Variants in SMYD3 observed in about 807,000 individuals in gnomAD.
SMYD3 encodes SET and MYND domain containing 3.
A neutral mutation model predicts 57.7 loss-of-function variants in SMYD3; 36 were observed. The observed-to-expected ratio is 0.62, with a 90% confidence interval of 0.48 to 0.82. The LOEUF (loss-of-function observed/expected upper bound fraction) is 0.82, where lower values mean the gene tolerates loss of function less well. Ranked by LOEUF, SMYD3 falls within the 40% of genes least tolerant of loss-of-function variation. The pLI is 0.00. For synonymous variants in SMYD3, 211 were observed against 195.0 expected, an observed-to-expected ratio of 1.08 and a Z score of -0.68; for missense variants, 515 against 538.8, an observed-to-expected ratio of 0.96 and a Z score of 0.44.
chr1:246,001,683 G>A (rs1399100843), intron 5 of SMYD3, among the ~76,000 whole-genome samples: 1 of 152,200 alleles, frequency 6.6e-6, no homozygotes, highest in Admixed American at 6.5e-5. Context: ...TGTTTTCCAT[G>A]ATCCTCTTTT....
chr1:246,270,933 G>A (rs373982716), intron 5 of SMYD3, among the ~76,000 whole-genome samples: 2 of 152,086 alleles, frequency 1.3e-5, no homozygotes, highest in East Asian at 1.9e-4. Flanking sequence ...ACACGTCCAC[G>A]CAGTGCACAA....
intron 5 of SMYD3, among the ~76,000 whole-genome samples, chr1:246,279,300 C>A (rs1252434533): frequency 6.6e-6 from 1 of 152,170 alleles, no homozygotes; most frequent in Non-Finnish European, 1.5e-5. Context: ...GCGGGTGGAT[C>A]ACCTGAGGTC....
intron 5 of SMYD3, among the ~76,000 whole-genome samples, chr1:246,165,883 G>T (rs185679176): frequency 1.9e-4 from 29 of 152,092 alleles, no homozygotes; most frequent in Middle Eastern, 3.4e-3. Flanking sequence ...TCTACATTAG[G>T]GTGAGAGGAG....
chr1:246,362,795 G>A (rs1175957032), intron 1 of SMYD3, among the ~76,000 whole-genome samples: 5 of 152,214 alleles, frequency 3.3e-5, no homozygotes, highest in Admixed American at 6.5e-5. Context: ...GTGCAGTGGC[G>A]TGATCTCGGC....
rs529104157 is a variant in SMYD3 at position 246,045,952 on chromosome 1, G to A, written c.532-116015C>T. Reference sequence around the variant, plus strand: ...ACCATCTCACACCAGTTAGAATGGCGATCATTAAAAAGTCAGGAAACAACA... The same window carrying A: ...ACCATCTCACACCAGTTAGAATGGCAATCATTAAAAAGTCAGGAAACAACA... On this transcript the variant is annotated intron_variant, in intron 5 of 11. Coordinates refer to ENST00000490107, the MANE Select transcript of SMYD3 (RefSeq NM_001167740.2). Among the ~76,000 whole-genome samples the A allele has an allele frequency of 4.6e-3, 703 of 152,196 alleles. 8 individuals are homozygous for A. Among genetic ancestry groups the A allele is most frequent in the African/African-American group, 0.014 (596 of 41,544 alleles).
chr1:246,312,780 A>G (rs1172510491), intron 5 of SMYD3, among the ~76,000 whole-genome samples: 1 of 152,212 alleles, frequency 6.6e-6, no homozygotes, highest in African/African-American at 2.4e-5. Context: ...ATCAGCAAAT[A>G]ACTTTTAAAA....
At chr1:245,809,635 A>C (rs2048355452) in intron 10 of SMYD3, among the ~76,000 whole-genome samples, 1 of 152,224 alleles carries the variant, frequency 6.6e-6, no homozygotes, top group Non-Finnish European at 1.5e-5. Context: ...GTAAAGGCTG[A>C]AAGCTTGGCG....
In SMYD3 at chr1:246,001,887, T is replaced by C. The variant is rs545181389; in HGVS notation, c.532-71950A>G. On this transcript the variant is annotated intron_variant, in intron 5 of 11. Transcript: ENST00000490107. ...AGAGACCTGGGATCCTCTGGATCTCTTTCCTTTGTTCAGAACAAGAGATTT... is the reference window on the plus strand; with the variant it reads ...AGAGACCTGGGATCCTCTGGATCTCCTTCCTTTGTTCAGAACAAGAGATTT... 3.8e-4 allele frequency among the ~76,000 whole-genome samples: 58 copies of C among 152,284 alleles called. 1 individual carries two copies. In the South Asian group the frequency reaches 0.012, roughly 32 times the overall value.
intron 8 of SMYD3, among the ~76,000 whole-genome samples, chr1:245,885,975 C>A (rs1215281199): frequency 6.6e-6 from 1 of 152,160 alleles, no homozygotes; most frequent in Non-Finnish European, 1.5e-5. Flanking sequence ...AAATAATTAA[C>A]ATGTTTTTAT....
intron 1 of SMYD3, among the ~76,000 whole-genome samples, chr1:246,475,808 G>T (rs2068023517): frequency 6.6e-6 from 1 of 152,128 alleles, no homozygotes; most frequent in African/African-American, 2.4e-5. Context: ...TAGAGACAGG[G>T]TTTCACCATT....
intron 5 of SMYD3, among the ~76,000 whole-genome samples, chr1:246,076,177 C>T (rs1296591957): frequency 6.6e-6 from 1 of 152,084 alleles, no homozygotes; most frequent in African/African-American, 2.4e-5. Flanking sequence ...TTCTACTCCT[C>T]ATTCAATTAA....
intron 5 of SMYD3, among the ~76,000 whole-genome samples, chr1:246,283,278 G>A (rs1053483805): frequency 1.3e-5 from 2 of 152,166 alleles, no homozygotes; most frequent in Non-Finnish European, 2.9e-5. Flanking sequence ...GTGTAACAGT[G>A]AGTGATCATA....
intron 11 of SMYD3, among the ~76,000 whole-genome samples, chr1:245,755,135 G>A (rs1161110476): frequency 6.6e-6 from 1 of 152,170 alleles, no homozygotes; most frequent in Non-Finnish European, 1.5e-5. Context: ...AAATTCTAAG[G>A]GCAACCCAAG....
chr1:245,750,647 C>T (rs1280544961), intron 11 of SMYD3, among the ~76,000 whole-genome samples: 1 of 141,306 alleles, frequency 7.1e-6, no homozygotes, highest in Non-Finnish European at 1.5e-5. Flanking sequence ...GAACAACAAA[C>T]AACCAGAGTA....
chr1:246,022,914 T>A (rs796340149), intron 5 of SMYD3, among the ~76,000 whole-genome samples: 1 of 152,254 alleles, frequency 6.6e-6, no homozygotes, highest in South Asian at 2.1e-4. Flanking sequence ...TATCTAAATT[T>A]TAATTCTGTG....
In SMYD3 at chr1:245,914,638, A is replaced by G. The variant is rs575468512; in HGVS notation, c.813+892T>C. Among the ~76,000 whole-genome samples the G allele has an allele frequency of 1.3e-4, 20 of 152,346 alleles. No individual in the cohort carries two copies. The South Asian group carries it at 4.1e-3, about 32-fold the overall frequency. On this transcript the variant is annotated intron_variant, in intron 8 of 11. Transcript: ENST00000490107. ...CTAAGAAGGTGGGGAGAGGTTGGTT[A>G]ATGAACACAAACTTAGGAGGAACGA...
intron 1 of SMYD3, among the ~76,000 whole-genome samples, chr1:246,464,696 C>G (rs2067856960): frequency 6.6e-6 from 1 of 152,220 alleles, no homozygotes; most frequent in Non-Finnish European, 1.5e-5. Flanking sequence ...TGGAGCCACA[C>G]AGCATCCTCT....
chr1:245,851,260 C>G (rs1433298881), intron 10 of SMYD3, among the ~76,000 whole-genome samples: 1 of 152,156 alleles, frequency 6.6e-6, no homozygotes, highest in Non-Finnish European at 1.5e-5. Flanking sequence ...TAAGCTCCAC[C>G]AGAATGAGGA....
chr1:245,984,956 C>G (rs541666181), intron 5 of SMYD3, among the ~76,000 whole-genome samples: 41 of 152,222 alleles, frequency 2.7e-4, no homozygotes, highest in South Asian at 6.2e-4. Context: ...GCTGAATGTG[C>G]ACATCTCACG....
Sources: gnomAD v4.1 joint callset for allele counts (sites outside exome capture counted in the v4.1 genomes callset) on GRCh38, gnomAD v4.1.1 for gene constraint, MANE v1.5 for transcripts, NCBI Gene and HGNC (gene_info 2026-07-23, HGNC 2026-07-21) for gene names.